The following TENM3 variants were observed in gnomAD, a reference collection of about 807,000 sequenced individuals.
The protein encoded by TENM3 is teneurin transmembrane protein 3.
A neutral mutation model predicts 255.1 loss-of-function variants in TENM3; 63 were observed. That is an observed-to-expected ratio of 0.25 (90% confidence interval 0.20 to 0.30). The LOEUF is 0.30. Ranked by LOEUF, TENM3 falls within the 10% of genes least tolerant of loss-of-function variation. The probability of loss-of-function intolerance (pLI) is 1.00; values close to 1 mark genes in which losing one functional copy is unlikely to be tolerated. For missense variants in TENM3, 2,929 were observed against 3,461.1 expected (o/e 0.85, Z 3.86); for synonymous variants, 1,306 against 1,322.3 (o/e 0.99, Z 0.27).
At chr4:182,166,533 C>T (rs1751734743) in intron 1 of TENM3, among the ~76,000 whole-genome samples, 2 of 152,132 alleles carry the variant, frequency 1.3e-5, no homozygotes, top group South Asian at 4.2e-4. Flanking sequence ...GTCAGTTCAC[C>T]CCAAACTACA....
chr4:182,362,677 G>A (rs1037509357), intron 3 of TENM3, among the ~76,000 whole-genome samples: 13 of 152,004 alleles, frequency 8.6e-5, no homozygotes, highest in African/African-American at 3.1e-4. Context: ...TGCACTTCCC[G>A]AGTGAGGCAA....
the TENM3 span, among the ~76,000 whole-genome samples, chr4:182,050,669 C>A: frequency 6.6e-6 from 1 of 151,886 alleles, no homozygotes; most frequent in Non-Finnish European, 1.5e-5. Flanking sequence ...CCAGGCATGG[C>A]GGTGCACACC....
the TENM3 span, among the ~76,000 whole-genome samples, chr4:181,687,614 G>A: frequency 9.2e-5 from 14 of 152,246 alleles, no homozygotes; most frequent in African/African-American, 3.4e-4. Flanking sequence ...TTAGACGCTG[G>A]CAGTCTAGGT....
intron 1 of TENM3, among the ~76,000 whole-genome samples, chr4:182,265,193 G>A (rs774109117): frequency 1.2e-4 from 18 of 152,082 alleles, no homozygotes; most frequent in Non-Finnish European, 2.4e-4. Flanking sequence ...AGTTTTGGGG[G>A]TATCAGAAAT....
the TENM3 span, among the ~76,000 whole-genome samples, chr4:181,794,666 C>CTG: frequency 0.26 from 37,636 of 142,766 alleles, 4,934 homozygotes; most frequent in Middle Eastern, 0.38. Context: ...AATAATATCC[C>CTG]TGTGTGTGTG....
the TENM3 span, among the ~76,000 whole-genome samples, chr4:181,557,511 C>T: frequency 1.6e-3 from 250 of 152,184 alleles, 1 homozygote; most frequent in African/African-American, 5.7e-3. Flanking sequence ...AAAGTACACA[C>T]GTCTCCATAT....
At position 182,773,459 on chromosome 4, in the gene TENM3, C is replaced by T; in HGVS notation, c.4893-13C>T. On this transcript the variant is annotated splice_polypyrimidine_tract_variant and intron_variant, in intron 22 of 27. Transcript: ENST00000511685. Reference sequence around the variant, plus strand: ...TTCCTATTTAACACCAAGTTAATGCCTCTTGTATTTAGCTATGACAGTGAA... The same window carrying T: ...TTCCTATTTAACACCAAGTTAATGCTTCTTGTATTTAGCTATGACAGTGAA... 1 of 1,597,566 alleles carries T rather than the reference C, an allele frequency of 6.3e-7. No individual in the cohort carries two copies. The highest frequency in any genetic ancestry group is 8.5e-7 in the Non-Finnish European group (1 of 1,171,336).
chr4:182,408,911 T>C (rs955106088), intron 3 of TENM3, among the ~76,000 whole-genome samples: 1 of 152,184 alleles, frequency 6.6e-6, no homozygotes, highest in African/African-American at 2.4e-5. Context: ...TAATTCAAGA[T>C]GTGAAACCTC....
intron 3 of TENM3, among the ~76,000 whole-genome samples, chr4:182,493,045 G>A (rs1735451931): frequency 6.6e-6 from 1 of 151,962 alleles, no homozygotes. Context: ...ATCTTAAGAA[G>A]GACAATTAGT....
At position 182,668,457 on chromosome 4, in the gene TENM3, G is replaced by T. The variant is rs181834527; in HGVS notation, c.1112-4548G>T. Among the ~76,000 whole-genome samples the T allele has an allele frequency of 7.3e-4, 111 of 152,140 alleles. 1 individual carries two copies. The highest frequency in any genetic ancestry group is 2.6e-3 in the African/African-American group (106 of 41,494). On this transcript the variant is annotated intron_variant, in intron 6 of 27. Transcript: ENST00000511685. ...CCCCTGGACTAGATGACCCCCACGG[G>T]TACTAGAACTCGAAGATTCTGTGGT...
At position 182,653,249 on chromosome 4, in the gene TENM3, A is replaced by C. The variant is rs185916347; in HGVS notation, c.989-522A>C. 8.3e-3 allele frequency among the ~76,000 whole-genome samples: 1,265 copies of C among 152,352 alleles called. 13 individuals are homozygous for C. Among genetic ancestry groups the C allele is most frequent in the African/African-American group, 0.029 (1,221 of 41,584 alleles). ...TTCAAAAATTACTCATCCCAAATTTAGAATATTCAAATTTGATTATATTTT... is the reference window on the plus strand; with the variant it reads ...TTCAAAAATTACTCATCCCAAATTTCGAATATTCAAATTTGATTATATTTT... On this transcript the variant is annotated intron_variant, in intron 5 of 27. Transcript: ENST00000511685.
chr4:182,155,239 AC>A (rs1011369710), intron 1 of TENM3, among the ~76,000 whole-genome samples: 2 of 152,162 alleles, frequency 1.3e-5, no homozygotes, highest in African/African-American at 4.8e-5. Context: ...TTCTGAGGCT[AC>A]AAGCTTCTAA....
the TENM3 span, among the ~76,000 whole-genome samples, chr4:181,937,039 G>T: frequency 6.6e-6 from 1 of 152,214 alleles, no homozygotes; most frequent in Non-Finnish European, 1.5e-5. Flanking sequence ...GGCCAGAATA[G>T]AAATTTTTGA....
chr4:182,228,059 T>C (rs372889472), intron 1 of TENM3, among the ~76,000 whole-genome samples: 1 of 152,112 alleles, frequency 6.6e-6, no homozygotes, highest in Non-Finnish European at 1.5e-5. Context: ...AAAATAGTGG[T>C]AACCAGGAGC....
chr4:182,186,815 G>A (rs1287658803), intron 1 of TENM3, among the ~76,000 whole-genome samples: 11 of 31,836 alleles, frequency 3.5e-4, no homozygotes, highest in South Asian at 1.1e-3. Context: ...ATATATATAT[G>A]GTCCTACCCT....
chr4:182,013,673 G>T, the TENM3 span, among the ~76,000 whole-genome samples: 1 of 152,060 alleles, frequency 6.6e-6, no homozygotes, highest in Non-Finnish European at 1.5e-5. Context: ...GGGTCTGTGG[G>T]ATCAGCTTCT....
At chr4:182,438,737 GT>G (rs1222856371) in intron 3 of TENM3, among the ~76,000 whole-genome samples, 1 of 152,150 alleles carries the variant, frequency 6.6e-6, no homozygotes, top group African/African-American at 2.4e-5. Flanking sequence ...CTTAGACTCT[GT>G]AGTTAAGGTG....
the TENM3 span, among the ~76,000 whole-genome samples, chr4:181,475,496 G>A: frequency 6.6e-5 from 10 of 152,178 alleles, no homozygotes; most frequent in Admixed American, 6.5e-4. Context: ...TTTGAGATGT[G>A]AGACACATTA....
intron 11 of TENM3, among the ~76,000 whole-genome samples, chr4:182,683,787 C>G (rs745988337): frequency 6.6e-6 from 1 of 151,782 alleles, no homozygotes; most frequent in Non-Finnish European, 1.5e-5. Flanking sequence ...ACTTTGATGG[C>G]GAAGAGACAA....
Sources: gnomAD v4.1 joint callset for allele counts (sites outside exome capture counted in the v4.1 genomes callset) on GRCh38, gnomAD v4.1.1 for gene constraint, MANE v1.5 for transcripts, NCBI Gene and HGNC (gene_info 2026-07-23, HGNC 2026-07-21) for gene names.